The following HJURP variants were observed in gnomAD, a reference collection of about 807,000 sequenced individuals.
The protein encoded by HJURP is Holliday junction recognition protein.
HJURP carries 49 observed loss-of-function variants against 72.0 expected under a neutral mutation model. The observed-to-expected ratio is 0.68, with a 90% CI of 0.54 to 0.86. The LOEUF (loss-of-function observed/expected upper bound fraction) is 0.86. HJURP is among the 40% of genes least tolerant of loss of function. The pLI is 0.00. For synonymous variants in HJURP, 357 were observed against 347.1 expected (o/e 1.03, Z -0.32); for missense variants, 908 against 936.3 (o/e 0.97, Z 0.39).
Position 233,840,797 on chromosome 2 carries a change from AGAT to A in HJURP, c.1980_1982del (p.Ser661del). 6.2e-7 allele frequency: 1 copy of A among 1,613,568 alleles called. No homozygotes were observed. Among genetic ancestry groups the A allele is most frequent in the Non-Finnish European group, 8.5e-7 (1 of 1,179,838 alleles). On this transcript the variant is annotated inframe_deletion, in exon 8 of 9. Coordinates refer to ENST00000411486, the MANE Select transcript of HJURP (RefSeq NM_018410.5). ...TCGTGATGGCACGAGCAACACATGTAGATGAAGGAGCCTCAATTGCAGTTGAGC... is the reference window on the plus strand; with the variant it reads ...TCGTGATGGCACGAGCAACACATGTAGAAGGAGCCTCAATTGCAGTTGAGC...
intron 4 of HJURP, among the ~76,000 whole-genome samples, chr2:233,847,764 T>C (rs1705403410): frequency 6.6e-6 from 1 of 152,214 alleles, no homozygotes; most frequent in African/African-American, 2.4e-5. Flanking sequence ...CGACAGAACT[T>C]CCGGTGACCA....
In HJURP at chr2:233,846,635, C is replaced by T. The variant is rs1012372573; in HGVS notation, c.402+762G>A. On this transcript the variant is annotated intron_variant, in intron 5 of 8. Coordinates refer to ENST00000411486, the MANE Select transcript of HJURP (RefSeq NM_018410.5). The surrounding 1 kb of genome is among the most constrained non-coding windows in gnomAD (Gnocchi z 4.3). ...CTTTGTTCCAATCCCTACACAATCT[C>T]TCAGTGAGCATCCACTTTCTTCCCC... Among the ~76,000 whole-genome samples the T allele has an allele frequency of 1.3e-5, 2 of 152,140 alleles. No homozygotes were observed. Among genetic ancestry groups the T allele is most frequent in the Non-Finnish European group, 2.9e-5 (2 of 68,034 alleles).
intron 7 of HJURP, among the ~76,000 whole-genome samples, chr2:233,843,758 C>T (rs1345121629): frequency 1.3e-5 from 2 of 152,146 alleles, no homozygotes; most frequent in African/African-American, 4.8e-5. Context: ...AATTTCTGGC[C>T]TGTGTTAAGC....
chr2:233,848,583 T>C (rs940705538), intron 4 of HJURP, among the ~76,000 whole-genome samples: 1 of 152,084 alleles, frequency 6.6e-6, no homozygotes, highest in Non-Finnish European at 1.5e-5. Context: ...GAGGCTGAGA[T>C]GAAGATCCTG....
chr2:233,848,647 A>G (rs988880226), intron 4 of HJURP, among the ~76,000 whole-genome samples: 12 of 152,184 alleles, frequency 7.9e-5, no homozygotes, highest in African/African-American at 2.9e-4. Flanking sequence ...TGAGGCGCAG[A>G]GCAGAAGATG....
Position 233,846,608 on chromosome 2 carries a change from C to T in HJURP, c.403-788G>A, listed in dbSNP as rs1333110324. 2.0e-5 allele frequency among the ~76,000 whole-genome samples: 3 copies of T among 152,140 alleles called. No homozygotes were observed. The highest frequency in any genetic ancestry group is 6.5e-5 in the Admixed American group (1 of 15,274). On this transcript the variant is annotated intron_variant, in intron 5 of 8. Coordinates refer to ENST00000411486, the MANE Select transcript of HJURP (RefSeq NM_018410.5). This position sits in a 1 kb window ranked among gnomAD's most constrained non-coding sequence, Gnocchi z 4.3. ...CTTGACTCTTGGTACCACCCACTTCCCCTTTGTTCCAATCCCTACACAATC... is the reference window on the plus strand; with the variant it reads ...CTTGACTCTTGGTACCACCCACTTCTCCTTTGTTCCAATCCCTACACAATC...
At chr2:233,853,821 C>T in intron 2 of HJURP, 23 bp downstream of exon 2, 1 of 1,599,554 alleles carries the variant, frequency 6.3e-7, no homozygotes, top group South Asian at 1.1e-5. Flanking sequence ...CCCGAATACT[C>T]AGAAGGTGGG....
rs374823793 is a variant in HJURP, at chr2:233,841,836, C to G, written c.944G>C (p.Arg315Pro). Residue 315 changes from arginine to proline, a missense_variant, in exon 8 of 9, where the codon CGT becomes CCT. Arg to Pro is a moderately radical substitution (Grantham distance 103). This residue lies in a region of HJURP where 598 missense variants were observed against 619.5 expected (regional missense o/e 0.97). Transcript: ENST00000411486. ...MNKTYCKGAR[R>P]SQRSSKENFI... ...GTTCTCCTTGGAGCTCCTCTGAGAACGTCTGGCTCCTTTGCAATATGTTTT... is the reference window on the plus strand; with the variant it reads ...GTTCTCCTTGGAGCTCCTCTGAGAAGGTCTGGCTCCTTTGCAATATGTTTT... 1 of 1,614,168 alleles carries G rather than the reference C, an allele frequency of 6.2e-7. No individual in the cohort carries two copies. Among genetic ancestry groups the G allele is most frequent in the Non-Finnish European group, 8.5e-7 (1 of 1,180,010 alleles).
chr2:233,840,436 G>C (rs897416419), intron 8 of HJURP, among the ~76,000 whole-genome samples, 173 bp downstream of exon 8: 1 of 152,206 alleles, frequency 6.6e-6, no homozygotes, highest in Non-Finnish European at 1.5e-5. Context: ...TGATAGAGAC[G>C]CTGACTTTAC....
At chr2:233,847,774 A>G (rs1395658465) in intron 4 of HJURP, among the ~76,000 whole-genome samples, 2 of 152,192 alleles carry the variant, frequency 1.3e-5, no homozygotes, top group East Asian at 1.9e-4. Flanking sequence ...TCCGGTGACC[A>G]TGGAAAGTTC....
intron 7 of HJURP, among the ~76,000 whole-genome samples, chr2:233,842,766 T>C (rs887872399): frequency 1.3e-5 from 2 of 152,232 alleles, no homozygotes; most frequent in African/African-American, 2.4e-5. Flanking sequence ...ATTTTCAAGC[T>C]TATTTAGTAG....
chr2:233,845,787 A>T lies in HJURP; in HGVS notation c.436T>A (p.Leu146Ile), dbSNP rs1235652483. The part of the protein sequence containing the change: ...AVPQSPLKNE[L>I]RRKYLTQVDI... Reference sequence around the variant, plus strand: ...ACTTGGGTCAAGTATTTCCTTCTTAATTCATTTTTCAAAGGGCTTTGAGGC... The same window carrying T: ...ACTTGGGTCAAGTATTTCCTTCTTATTTCATTTTTCAAAGGGCTTTGAGGC... Residue 146 changes from leucine to isoleucine, a missense_variant, in exon 6 of 9, where the codon TTA (leucine) becomes ATA (isoleucine). Transcript: ENST00000411486. 2.5e-6 allele frequency: 4 copies of T among 1,613,456 alleles called. No homozygotes were observed. The highest frequency in any genetic ancestry group is 3.4e-6 in the Non-Finnish European group (4 of 1,179,548).
At chr2:233,839,786 G>A (rs1044683565) in intron 8 of HJURP, among the ~76,000 whole-genome samples, 2 of 152,152 alleles carry the variant, frequency 1.3e-5, no homozygotes, top group African/African-American at 4.8e-5. Flanking sequence ...AGGGCACAAG[G>A]GAAGAGGATA....
At chr2:233,838,497 C>T (rs568396792) in intron 8 of HJURP, among the ~76,000 whole-genome samples, 13 of 152,206 alleles carry the variant, frequency 8.5e-5, no homozygotes, top group East Asian at 3.9e-4. Flanking sequence ...GCGACTGGCA[C>T]GGTGCCAGAT....
In HJURP at chr2:233,849,874, G is replaced by C. The variant is rs1323083437; in HGVS notation, c.241-15C>G. The stretch of plus-strand genomic sequence containing the variant: ...ATGGAGGAGTCCTCCAAGTGCAGAA[G>C]CCAATAAAAACATGGTTGTTTGAGT... On this transcript the variant is annotated splice_polypyrimidine_tract_variant and intron_variant, in intron 3 of 8. Coordinates refer to ENST00000411486, the MANE Select transcript of HJURP (RefSeq NM_018410.5). 1.3e-6 allele frequency: 2 copies of C among 1,493,268 alleles called. No homozygotes were observed. The highest frequency in any genetic ancestry group is 2.8e-5 in the African/African-American group (2 of 71,622). The allele number at this position is 1,493,268 out of a possible 1,614,324, so 92.5% of individuals were successfully genotyped here.
Position 233,841,669 on chromosome 2 carries a change from C to T in HJURP, c.1111G>A (p.Asp371Asn). Reference protein sequence around the residue: ...EVNRPQIHKLDPSWKERKVTP... With the variant: ...EVNRPQIHKLNPSWKERKVTP... Reference sequence around the variant, plus strand: ...ACTTTGCGCTCCTTCCAACTTGGATCTAACTTATGGATTTGGGGTCTGTTG... The same window carrying T: ...ACTTTGCGCTCCTTCCAACTTGGATTTAACTTATGGATTTGGGGTCTGTTG... The change falls in exon 8 of 9, where the codon GAT (aspartate) becomes AAT (asparagine). Residue 371 changes from aspartate to asparagine, a missense_variant. Coordinates refer to ENST00000411486, the MANE Select transcript of HJURP (RefSeq NM_018410.5). 1 of 1,614,194 alleles carries T rather than the reference C, an allele frequency of 6.2e-7. No homozygotes were observed. Among genetic ancestry groups the T allele is most frequent in the East Asian group, 2.2e-5 (1 of 44,886 alleles).
chr2:233,841,788 A>T lies in HJURP; in HGVS notation c.992T>A (p.Val331Glu). 1 of 1,614,134 alleles carries T rather than the reference A, an allele frequency of 6.2e-7. No homozygotes were observed. Among genetic ancestry groups the T allele is most frequent in the Non-Finnish European group, 8.5e-7 (1 of 1,179,996 alleles). Residue 331 changes from valine (V) to glutamate (E), a missense_variant, in exon 8 of 9, where the codon GTG (valine) becomes GAG (glutamate). By Grantham distance (121) the Val-to-Glu change is moderately radical. This residue lies in a region of HJURP where 598 missense variants were observed against 619.5 expected (regional missense o/e 0.97). Coordinates refer to ENST00000411486, the MANE Select transcript of HJURP (RefSeq NM_018410.5). ...KENFIPCSEP[V>E]KGTGALRDCK... The stretch of plus-strand genomic sequence containing the variant: ...ATCTCTTAATGCCCCTGTCCCTTTC[A>T]CAGGCTCAGAGCAGGGTATGAAGTT...
chr2:233,841,841 G>A lies in HJURP; in HGVS notation c.939C>T (p.Ala313=). The change falls in exon 8 of 9, where the codon GCC becomes GCT. Residue 313 remains alanine (A), a synonymous_variant. Coordinates refer to ENST00000411486, the MANE Select transcript of HJURP (RefSeq NM_018410.5). The stretch of plus-strand genomic sequence containing the variant: ...CCTTGGAGCTCCTCTGAGAACGTCT[G>A]GCTCCTTTGCAATATGTTTTGTTCA... ...SRMNKTYCKG[A]RRSQRSSKEN... The A allele has an allele frequency of 6.2e-7, 1 of 1,614,178 alleles. No individual in the cohort carries two copies. The highest frequency in any genetic ancestry group is 8.5e-7 in the Non-Finnish European group (1 of 1,180,020).
At chr2:233,845,230 C>A (rs1451242536) in intron 6 of HJURP, among the ~76,000 whole-genome samples, 1 of 152,024 alleles carries the variant, frequency 6.6e-6, no homozygotes, top group Non-Finnish European at 1.5e-5. Flanking sequence ...CAGCTCACTG[C>A]AACCTCCGCC....
Sources: allele counts gnomAD v4.1 joint callset (sites outside exome capture counted in the v4.1 genomes callset), GRCh38; gene constraint gnomAD v4.1.1; regional missense constraint gnomAD v4.1.1; non-coding constraint Gnocchi (gnomAD v3.1); transcripts MANE v1.5; gene names NCBI Gene and HGNC (gene_info 2026-07-23, HGNC 2026-07-21).